Variants in ARHGAP44 observed in about 807,000 individuals in gnomAD.
The protein encoded by ARHGAP44 is Rho GTPase activating protein 44.
A neutral mutation model predicts 106.8 loss-of-function variants in ARHGAP44; 43 were observed. The observed-to-expected ratio is 0.40, with a 90% CI of 0.32 to 0.52. ARHGAP44 has a LOEUF of 0.52. ARHGAP44 is among the 20% of genes least tolerant of loss of function. ARHGAP44 has a pLI of 0.48. For synonymous variants in ARHGAP44, 439 were observed against 410.3 expected (o/e 1.07, Z -0.85); for missense variants, 866 against 1,050.5 (o/e 0.82, Z 2.43).
chr17:12,873,068 C>A lies in ARHGAP44; in HGVS notation c.54-21872C>A, dbSNP rs561491413. ...TAGCTTAATTCTCTTTATTTAATAG[C>A]CTTTCGTTGCTGCTAAGGGACAGCT... is the stretch of plus-strand genomic sequence containing the variant. On this transcript the variant is annotated intron_variant, in intron 1 of 20. Coordinates refer to ENST00000379672, the MANE Select transcript of ARHGAP44 (RefSeq NM_014859.6). Among the ~76,000 whole-genome samples the A allele has an allele frequency of 2.0e-5, 3 of 151,910 alleles. No homozygotes were observed. In the South Asian group the frequency reaches 6.3e-4, roughly 32 times the overall value.
intron 19 of ARHGAP44, among the ~76,000 whole-genome samples, chr17:12,983,599 G>A (rs2039885077): frequency 6.6e-6 from 1 of 152,146 alleles, no homozygotes; most frequent in Non-Finnish European, 1.5e-5. Flanking sequence ...GAGGTTGGGA[G>A]TTCAAGACCA....
rs371655755 is a variant in ARHGAP44, at chr17:12,955,994, G to C, written c.1250+14G>C. 6 of 1,593,882 alleles carry C rather than the reference G, an allele frequency of 3.8e-6. No homozygotes were observed. Among genetic ancestry groups the C allele is most frequent in the Non-Finnish European group, 5.2e-6 (6 of 1,163,040 alleles). ...ACAAGCAGAAGGGTAAGTACAGGGC[G>C]GAGAAGTAATGTGGGTGATCAGGTG... is the stretch of plus-strand genomic sequence containing the variant. On this transcript the variant is annotated intron_variant, in intron 14 of 20. Transcript: ENST00000379672.
In ARHGAP44 at chr17:12,894,967, A is replaced by G; in HGVS notation, c.81A>G (p.Glu27=). ...GRAEKTEVLS[E]DLLQVEKRLE... ...CTGAAAAGACAGAAGTTTTGAGTGA[A>G]GACCTTCTTCAGGTAAGGCGGCCAT... The change falls in exon 2 of 21, where the codon GAA becomes GAG. Residue 27 remains glutamate, a synonymous_variant. Transcript: ENST00000379672. 1 of 1,589,780 alleles carries G rather than the reference A, an allele frequency of 6.3e-7. No individual in the cohort carries two copies. The highest frequency in any genetic ancestry group is 8.6e-7 in the Non-Finnish European group (1 of 1,167,224).
At chr17:12,847,747 C>T (rs1183964156) in intron 1 of ARHGAP44, among the ~76,000 whole-genome samples, 14 of 152,136 alleles carry the variant, frequency 9.2e-5, no homozygotes, top group Admixed American at 5.2e-4. Flanking sequence ...CCTCGTGATC[C>T]GCCCGCCTCG....
chr17:12,794,808 A>C (rs1004787632), intron 1 of ARHGAP44, among the ~76,000 whole-genome samples: 7 of 152,008 alleles, frequency 4.6e-5, no homozygotes, highest in Non-Finnish European at 1.0e-4. Context: ...GGCATTAGCC[A>C]GTGGTGGGGA....
chr17:12,942,968 T>G (rs2038747582), intron 8 of ARHGAP44, among the ~76,000 whole-genome samples: 1 of 152,236 alleles, frequency 6.6e-6, no homozygotes, highest in Non-Finnish European at 1.5e-5. Flanking sequence ...TTCTGATCAG[T>G]TATATGTTAG....
chr17:12,823,471 G>A (rs2034832858), intron 1 of ARHGAP44, among the ~76,000 whole-genome samples: 3 of 152,034 alleles, frequency 2.0e-5, no homozygotes, highest in Admixed American at 1.3e-4. Flanking sequence ...TGGATGGAAC[G>A]ATCTTAACTT....
At position 12,975,795 on chromosome 17, in the gene ARHGAP44, C is replaced by CAAA. The variant is rs57364760; in HGVS notation, c.1763+1505_1763+1507dup. On this transcript the variant is annotated intron_variant, in intron 18 of 20. Transcript: ENST00000379672. ...CCTGGGTGACAGCGTGACTCCGTCT[C>CAAA]AAAAAAAAAAAAAAAAAAAAAAGAA... is the stretch of plus-strand genomic sequence containing the variant. Among the ~76,000 whole-genome samples the CAAA allele has an allele frequency of 6.5e-3, 450 of 68,740 alleles. 9 individuals are homozygous for CAAA. The highest frequency in any genetic ancestry group is 0.012 in the African/African-American group (207 of 17,256). 45.1% of individuals were successfully genotyped at this position (68,740 alleles called of 152,430 possible). A position where few individuals can be genotyped will look rare whatever the true frequency, so the allele number is the denominator to read the frequency against.
In ARHGAP44 at chr17:12,789,653, G is replaced by T; in HGVS notation, c.-186G>T. The T allele has an allele frequency of 2.7e-6, 1 of 372,602 alleles. No individual in the cohort carries two copies. Among genetic ancestry groups the T allele is most frequent in the South Asian group, 1.3e-4 (1 of 7,846 alleles). 23.1% of individuals were successfully genotyped at this position (372,602 alleles called of 1,614,324 possible). On this transcript the variant is annotated 5_prime_UTR_variant, in exon 1 of 21. Transcript: ENST00000379672. ...AGGGGGATGCGGCAGGAGGCGGCGC[G>T]GCGGGAGGAGTAGGCGGCGGCGCCC...
At chr17:12,815,991 G>T (rs977946568) in intron 1 of ARHGAP44, among the ~76,000 whole-genome samples, 1 of 152,124 alleles carries the variant, frequency 6.6e-6, no homozygotes, top group African/African-American at 2.4e-5. Flanking sequence ...TTTTAGTGGG[G>T]CTGTGGAAGC....
At chr17:12,847,529 T>G (rs890305306) in intron 1 of ARHGAP44, among the ~76,000 whole-genome samples, 10 of 150,410 alleles carry the variant, frequency 6.6e-5, no homozygotes, top group Non-Finnish European at 1.5e-4. Context: ...TTTTTTTTTT[T>G]TTGAGACGGA....
In ARHGAP44 at chr17:12,946,202, A is replaced by T. The variant is rs139119786; in HGVS notation, c.861+2006A>T. ...TAAAGATAACATAATGAGCCTTACC[A>T]CTCAGTTTATGGGCATTCTTGTTAC... On this transcript the variant is annotated intron_variant, in intron 10 of 20. Coordinates refer to ENST00000379672, the MANE Select transcript of ARHGAP44 (RefSeq NM_014859.6). Among the ~76,000 whole-genome samples the T allele has an allele frequency of 2.7e-3, 412 of 152,012 alleles. 2 individuals are homozygous for T. Among genetic ancestry groups the T allele is most frequent in the African/African-American group, 9.3e-3 (386 of 41,434 alleles).
intron 1 of ARHGAP44, among the ~76,000 whole-genome samples, chr17:12,880,794 A>G (rs2150898689): frequency 6.6e-6 from 1 of 152,206 alleles, no homozygotes; most frequent in East Asian, 1.9e-4. Flanking sequence ...GTGGGTACTT[A>G]GTTTCATTGT....
At chr17:12,938,975 C>T (rs2038630710) in intron 7 of ARHGAP44, among the ~76,000 whole-genome samples, 2 of 152,148 alleles carry the variant, frequency 1.3e-5, no homozygotes, top group African/African-American at 4.8e-5. Context: ...ACGTTTAGTC[C>T]TTCAGGGCCT....
At chr17:12,807,162 G>A (rs368777057) in intron 1 of ARHGAP44, among the ~76,000 whole-genome samples, 4 of 152,310 alleles carry the variant, frequency 2.6e-5, no homozygotes, top group Admixed American at 1.3e-4. Flanking sequence ...TGACACTTAT[G>A]TGCATTAATA....
At position 12,949,988 on chromosome 17, in the gene ARHGAP44, G is replaced by A. The variant is rs1188180551; in HGVS notation, c.1055+258G>A. On this transcript the variant is annotated intron_variant, in intron 12 of 20. Coordinates refer to ENST00000379672, the MANE Select transcript of ARHGAP44 (RefSeq NM_014859.6). This position sits in a 1 kb window ranked among gnomAD's most constrained non-coding sequence, Gnocchi z 4.1. ...GAAGTGGCTAAGTAAACTGTGGAGT[G>A]TCTGTACCATCGCACACTCTGGAAC... is the stretch of plus-strand genomic sequence containing the variant. Among the ~76,000 whole-genome samples, 1 of 152,202 alleles carries A rather than the reference G, an allele frequency of 6.6e-6. No individual in the cohort carries two copies. Among genetic ancestry groups the A allele is most frequent in the East Asian group, 1.9e-4 (1 of 5,200 alleles).
chr17:12,894,237 A>T (rs1461621303), intron 1 of ARHGAP44, among the ~76,000 whole-genome samples: 2 of 145,520 alleles, frequency 1.4e-5, no homozygotes, highest in African/African-American at 5.2e-5. Flanking sequence ...TGAGAGAGAG[A>T]GAGAGTGTGT....
In ARHGAP44 at chr17:12,949,021, G is replaced by A; in HGVS notation, c.862-119G>A. On this transcript the variant is annotated intron_variant, in intron 10 of 20. Transcript: ENST00000379672. This position sits in a 1 kb window ranked among gnomAD's most constrained non-coding sequence, Gnocchi z 4.1. ...GCAGGCAACTGGGGGATTGGGAGAT[G>A]GTGTTGGGCAAATGCATGTAAGAGG... is the stretch of plus-strand genomic sequence containing the variant. 3.1e-6 allele frequency: 3 copies of A among 962,468 alleles called. No homozygotes were observed. Among genetic ancestry groups the A allele is most frequent in the Non-Finnish European group, 4.7e-6 (3 of 631,920 alleles). 59.6% of individuals were successfully genotyped at this position (962,468 alleles called of 1,614,324 possible).
chr17:12,955,975 A>G lies in ARHGAP44; in HGVS notation c.1245A>G (p.Ala415=), dbSNP rs771789746. The G allele has an allele frequency of 1.2e-6, 2 of 1,610,750 alleles. No individual in the cohort carries two copies. Among genetic ancestry groups the G allele is most frequent in the Non-Finnish European group, 1.7e-6 (2 of 1,177,324 alleles). Residue 415 remains alanine (A), a synonymous_variant, in exon 14 of 21, where the codon GCA becomes GCG. Transcript: ENST00000379672. The stretch of plus-strand genomic sequence containing the variant: ...GACCCAACCTCCTATGGCCACAAGC[A>G]GAAGGGTAAGTACAGGGCGGAGAAG... ...VLGPNLLWPQ[A]EGNITEMMTT...
Sources: allele counts gnomAD v4.1 joint callset (sites outside exome capture counted in the v4.1 genomes callset), GRCh38; gene constraint gnomAD v4.1.1; non-coding constraint Gnocchi (gnomAD v3.1); transcripts MANE v1.5; gene names NCBI Gene and HGNC (gene_info 2026-07-23, HGNC 2026-07-21).